Variants in FSD1L observed in about 807,000 individuals in gnomAD.
FSD1L encodes FSD1-like protein.
A neutral mutation model predicts 71.6 loss-of-function variants in FSD1L; 45 were observed. The ratio of observed to expected loss-of-function variants is 0.63; its 90% CI spans 0.49 to 0.81. The LOEUF (loss-of-function observed/expected upper bound fraction) is 0.81, where lower values mean the gene tolerates loss of function less well. FSD1L is among the 30% of genes least tolerant of loss of function. The pLI, the probability that FSD1L is intolerant of heterozygous loss-of-function variation, is 0.00. For synonymous variants in FSD1L, 197 were observed against 207.2 expected, an observed-to-expected ratio of 0.95 and a Z score of 0.42; for missense variants, 561 against 618.1, an observed-to-expected ratio of 0.91 and a Z score of 0.98.
At chr9:105,479,420 T>A in intron 6 of FSD1L, 44 bp downstream of exon 6, 2 of 1,455,158 alleles carry the variant, frequency 1.4e-6, no homozygotes, top group Non-Finnish European at 9.3e-7. Flanking sequence ...AATATTGAAG[T>A]CAGAAATGAA....
intron 10 of FSD1L, chr9:105,520,142 G>A: frequency 1.9e-6 from 3 of 1,605,500 alleles, no homozygotes; most frequent in Non-Finnish European, 2.5e-6. Flanking sequence ...TCTCCAAGAA[G>A]CCGCACGGGG....
At position 105,534,504 on chromosome 9, in the gene FSD1L, C is replaced by A; in HGVS notation, c.1037C>A (p.Pro346Gln). ...GKENKGRSGTPSPKRTSVGSR... is the reference protein window; with the variant it reads ...GKENKGRSGTQSPKRTSVGSR... ...TTTTGTTTATATAGAAGTGGTACAC[C>A]ATCCCCAAAACGAACATCTGTAGGC... Residue 346 changes from proline to glutamine, a missense_variant, in exon 11 of 14, where the codon CCA becomes CAA. By Grantham distance (76) the Pro-to-Gln change is moderately conservative. This residue lies in a region of FSD1L where 410 missense variants were observed against 413.5 expected (regional missense o/e 0.99). Coordinates refer to ENST00000481272, the MANE Select transcript of FSD1L (RefSeq NM_001145313.3). The A allele has an allele frequency of 1.9e-6, 3 of 1,541,522 alleles. No individual in the cohort carries two copies. The highest frequency in any genetic ancestry group is 2.6e-6 in the Non-Finnish European group (3 of 1,138,346).
At chr9:105,442,595 C>T in the FSD1L span, among the ~76,000 whole-genome samples, 11 of 151,536 alleles carry the variant, frequency 7.3e-5, no homozygotes, top group African/African-American at 1.9e-4. Context: ...GGCTGAGGTG[C>T]GAGGATGGCT....
intron 7 of FSD1L, among the ~76,000 whole-genome samples, chr9:105,486,607 T>C (rs559155358): frequency 6.6e-6 from 1 of 152,290 alleles, no homozygotes; most frequent in South Asian, 2.1e-4. Flanking sequence ...ACCACCAGTA[T>C]GACCCTAAAA....
At chr9:105,480,255 A>G (rs186813516) in intron 6 of FSD1L, among the ~76,000 whole-genome samples, 107 of 150,882 alleles carry the variant, frequency 7.1e-4, no homozygotes, top group Non-Finnish European at 8.9e-4. Flanking sequence ...CAGTGCCTCT[A>G]TTGTTAATCT....
intron 10 of FSD1L, among the ~76,000 whole-genome samples, chr9:105,527,802 A>G (rs1272995435): frequency 6.6e-6 from 1 of 152,182 alleles, no homozygotes; most frequent in African/African-American, 2.4e-5. Flanking sequence ...CAGGGCAATC[A>G]GGCAAGAGAA....
At chr9:105,520,053 G>A (rs1026238510) in intron 10 of FSD1L, 763 of 1,521,546 alleles carry the variant, frequency 5.0e-4, no homozygotes, top group Non-Finnish European at 6.3e-4. Flanking sequence ...TCTCCTCCCC[G>A]TCCACTCCCT....
chr9:105,525,516 A>C, intron 10 of FSD1L: 4 of 1,610,062 alleles, frequency 2.5e-6, no homozygotes, highest in Non-Finnish European at 3.4e-6. Context: ...CAATACCTCA[A>C]AAACCTCAGT....
At chr9:105,481,025 A>G (rs1832138154) in intron 6 of FSD1L, among the ~76,000 whole-genome samples, 3 of 151,828 alleles carry the variant, frequency 2.0e-5, no homozygotes, top group Admixed American at 6.6e-5. Context: ...TTCATGACCA[A>G]TTTCAATGGC....
intron 8 of FSD1L, 93 bp downstream of exon 8, chr9:105,506,701 GTTTC>G: frequency 1.1e-6 from 1 of 933,900 alleles, no homozygotes; most frequent in South Asian, 1.6e-5. Flanking sequence ...AAGTTTTAAA[GTTTC>G]TTTAGTCACA....
intron 1 of FSD1L, among the ~76,000 whole-genome samples, chr9:105,458,462 G>A (rs1164861231): frequency 6.6e-6 from 1 of 152,168 alleles, no homozygotes; most frequent in Non-Finnish European, 1.5e-5. Flanking sequence ...GGTGAGCAAG[G>A]CAGTGGAGAG....
At chr9:105,493,281 T>C (rs1758725824) in intron 7 of FSD1L, among the ~76,000 whole-genome samples, 1 of 152,150 alleles carries the variant, frequency 6.6e-6, no homozygotes, top group South Asian at 2.1e-4. Flanking sequence ...TTTTGATCTT[T>C]GTTGGTTTAA....
chr9:105,478,432 A>T (rs1310553807), intron 5 of FSD1L, among the ~76,000 whole-genome samples: 1 of 152,224 alleles, frequency 6.6e-6, no homozygotes, highest in Non-Finnish European at 1.5e-5. Context: ...ATTAAGTATT[A>T]CTATGTCCTA....
chr9:105,539,251 C>A lies in FSD1L; in HGVS notation c.1379-12C>A. ...TGTATAATAAATTAGGCTTTTTTTC[C>A]TTCTTTTTTAGGTCAACTTTCATTC... On this transcript the variant is annotated splice_polypyrimidine_tract_variant and intron_variant, in intron 12 of 13. Transcript: ENST00000481272. 1 of 1,308,094 alleles carries A rather than the reference C, an allele frequency of 7.6e-7. No individual in the cohort carries two copies. Among genetic ancestry groups the A allele is most frequent in the Non-Finnish European group, 1.0e-6 (1 of 957,020 alleles). The allele number at this position is 1,308,094 out of a possible 1,614,324, so 81.0% of individuals were successfully genotyped here.
chr9:105,460,032 T>A (rs1771453519), intron 1 of FSD1L, among the ~76,000 whole-genome samples: 1 of 152,204 alleles, frequency 6.6e-6, no homozygotes, highest in South Asian at 2.1e-4. Flanking sequence ...TGCTCTCTCT[T>A]CAAAGAATGA....
At chr9:105,506,003 C>T (rs1834029998) in intron 7 of FSD1L, among the ~76,000 whole-genome samples, 1 of 152,086 alleles carries the variant, frequency 6.6e-6, no homozygotes, top group Admixed American at 6.5e-5. Flanking sequence ...TTTAAAAATC[C>T]TTAAGTATTT....
the FSD1L span, among the ~76,000 whole-genome samples, chr9:105,442,743 C>T: frequency 6.6e-6 from 1 of 152,138 alleles, no homozygotes; most frequent in Non-Finnish European, 1.5e-5. Context: ...CCTGAATCCC[C>T]CTATGAATGC....
chr9:105,494,123 C>G lies in FSD1L; in HGVS notation c.586+9621C>G, dbSNP rs1833167720. 2.0e-5 allele frequency among the ~76,000 whole-genome samples: 3 copies of G among 152,228 alleles called. No individual in the cohort carries two copies. In the South Asian group the frequency reaches 6.2e-4, roughly 32 times the overall value. On this transcript the variant is annotated intron_variant, in intron 7 of 13. Transcript: ENST00000481272. ...TCCAACTTGGTTCCATTCTCCCCGT[C>G]ACTTTCAGGTACACCAATCAGACAT...
Position 105,533,419 on chromosome 9 carries a change from T to TTTTTTTTTTTTTTTTTG in FSD1L, c.1026-1058_1026-1057insGTTTTTTTTTTTTTTTT. 3.6e-5 allele frequency among the ~76,000 whole-genome samples: 3 copies of TTTTTTTTTTTTTTTTTG among 83,290 alleles called. 1 individual carries two copies. The highest frequency in any genetic ancestry group is 7.0e-5 in the Non-Finnish European group (3 of 42,590). The allele number at this position is 83,290 out of a possible 152,430, so 54.6% of individuals were successfully genotyped here. ...TTTGGATAATTGCCATTTCCATCTTTTTTTTTTTTTTTTTTTTTTTTGAGA... is the reference window on the plus strand; with the variant it reads ...TTTGGATAATTGCCATTTCCATCTTTTTTTTTTTTTTTTTTTGTTTTTTTTTTTTTTTTTTTTTGAGA... On this transcript the variant is annotated intron_variant, in intron 10 of 13. Transcript: ENST00000481272.
Sources: allele counts gnomAD v4.1 joint callset (sites outside exome capture counted in the v4.1 genomes callset), GRCh38; gene constraint gnomAD v4.1.1; regional missense constraint gnomAD v4.1.1; transcripts MANE v1.5; gene names NCBI Gene and HGNC (gene_info 2026-07-23, HGNC 2026-07-21).